GPC5: variants seen among roughly 807,000 people sequenced by gnomAD.
GPC5 encodes the protein glypican 5, also known as glypican-5.
GPC5 carries 47 observed loss-of-function variants against 53.9 expected under a neutral mutation model. The observed-to-expected ratio is 0.87, with a 90% confidence interval of 0.69 to 1.11. The LOEUF is 1.11. Ranked by LOEUF, GPC5 falls within the 50% of genes most tolerant of loss-of-function variation. GPC5 has a pLI of 0.00. For synonymous variants in GPC5, 286 were observed against 263.3 expected (o/e 1.09, Z -0.84); for missense variants, 748 against 713.1 (o/e 1.05, Z -0.56).
intron 2 of GPC5, among the ~76,000 whole-genome samples, chr13:91,581,065 AGAGAACAGTAT>A (rs1329158298): frequency 6.6e-6 from 1 of 152,188 alleles, no homozygotes; most frequent in Non-Finnish European, 1.5e-5. Context: ...CTTACCATCA[AGAGAACAGTAT>A]GGGGGAAACT....
rs558197414 is a variant in GPC5 at position 92,720,518 on chromosome 13, ATAAAT to A, written c.1562-145759_1562-145755del. Among the ~76,000 whole-genome samples, 304 of 152,248 alleles carry A rather than the reference ATAAAT, an allele frequency of 2.0e-3. 1 individual carries two copies. The highest frequency in any genetic ancestry group is 3.5e-3 in the Non-Finnish European group (236 of 68,012). On this transcript the variant is annotated intron_variant, in intron 7 of 7. Coordinates refer to ENST00000377067, the MANE Select transcript of GPC5 (RefSeq NM_004466.6). ...TGGTTAGTTATACTAAAATAATTTC[ATAAAT>A]TAAAGTAATGATTTTATAATCTCGG... is the stretch of plus-strand genomic sequence containing the variant.
intron 6 of GPC5, among the ~76,000 whole-genome samples, chr13:92,011,486 G>C (rs2040661073): frequency 6.6e-6 from 1 of 152,102 alleles, no homozygotes; most frequent in Admixed American, 6.6e-5. Flanking sequence ...GCAAAATATT[G>C]AATTTTGATT....
At chr13:92,288,966 C>G (rs1038126343) in intron 7 of GPC5, among the ~76,000 whole-genome samples, 3 of 151,978 alleles carry the variant, frequency 2.0e-5, no homozygotes, top group African/African-American at 7.3e-5. Context: ...ACCAACTTTA[C>G]CATTTTTCTG....
Position 92,476,685 on chromosome 13 carries a change from G to T in GPC5, c.1561+331696G>T, listed in dbSNP as rs1404002759. Among the ~76,000 whole-genome samples, 7 of 147,234 alleles carry T rather than the reference G, an allele frequency of 4.8e-5. No individual in the cohort carries two copies. The South Asian group carries it at 8.4e-4, about 18-fold the overall frequency. On this transcript the variant is annotated intron_variant, in intron 7 of 7. Transcript: ENST00000377067. Reference sequence around the variant, plus strand: ...ATAGACTGGATTAAGAAAATGTGGCGCATATACACCATGGAATACTATGCA... The same window carrying T: ...ATAGACTGGATTAAGAAAATGTGGCTCATATACACCATGGAATACTATGCA...
At chr13:92,323,390 T>C (rs2043228812) in intron 7 of GPC5, among the ~76,000 whole-genome samples, 1 of 150,920 alleles carries the variant, frequency 6.6e-6, no homozygotes, top group Non-Finnish European at 1.5e-5. Flanking sequence ...CATATATATG[T>C]ACATGTTGTA....
chr13:92,838,408 G>C (rs1038383251), intron 7 of GPC5, among the ~76,000 whole-genome samples: 7 of 151,436 alleles, frequency 4.6e-5, no homozygotes, highest in Non-Finnish European at 1.0e-4. Flanking sequence ...GACGTGAACC[G>C]GTAGTCGGAG....
intron 2 of GPC5, among the ~76,000 whole-genome samples, chr13:91,632,715 G>C (rs1174465067): frequency 6.6e-6 from 1 of 152,060 alleles, no homozygotes; most frequent in Non-Finnish European, 1.5e-5. Flanking sequence ...CATAGTGCAG[G>C]AAAACATGTA....
At chr13:91,722,606 C>A (rs1198302239) in intron 3 of GPC5, among the ~76,000 whole-genome samples, 1 of 152,152 alleles carries the variant, frequency 6.6e-6, no homozygotes, top group East Asian at 1.9e-4. Flanking sequence ...CTGTCTTTCC[C>A]TTCCTCTGCC....
chr13:91,686,484 T>C (rs2035625341), intron 2 of GPC5, among the ~76,000 whole-genome samples: 1 of 151,976 alleles, frequency 6.6e-6, no homozygotes, highest in Non-Finnish European at 1.5e-5. Flanking sequence ...ACTTTGCACA[T>C]TTTACTTTTT....
chr13:91,788,165 A>T (rs1456772544), intron 5 of GPC5, among the ~76,000 whole-genome samples: 1 of 152,378 alleles, frequency 6.6e-6, no homozygotes, highest in South Asian at 2.1e-4. Context: ...GGGCAGTCCA[A>T]GAACAAGGTG....
intron 7 of GPC5, among the ~76,000 whole-genome samples, chr13:92,574,017 G>A (rs541629552): frequency 2.0e-5 from 3 of 152,232 alleles, no homozygotes; most frequent in South Asian, 2.1e-4. Context: ...TGAGCCCTGG[G>A]GAGGTATTCT....
chr13:92,001,765 A>ACAAT (rs1250002665), intron 6 of GPC5, among the ~76,000 whole-genome samples: 1 of 152,208 alleles, frequency 6.6e-6, no homozygotes, highest in Non-Finnish European at 1.5e-5. Flanking sequence ...TTTTTAAAAA[A>ACAAT]CAATCACTTT....
chr13:91,788,496 G>T (rs1159178729), intron 5 of GPC5, among the ~76,000 whole-genome samples: 1 of 152,176 alleles, frequency 6.6e-6, no homozygotes, highest in African/African-American at 2.4e-5. Context: ...TTTTTTCAAT[G>T]TAGCTAATTT....
At chr13:92,244,875 T>C (rs2042638966) in intron 7 of GPC5, among the ~76,000 whole-genome samples, 1 of 151,792 alleles carries the variant, frequency 6.6e-6, no homozygotes, top group Admixed American at 6.6e-5. Context: ...CCATCTCTAT[T>C]AAAAATACAA....
At chr13:91,765,142 C>A (rs1301064254) in intron 5 of GPC5, among the ~76,000 whole-genome samples, 1 of 152,240 alleles carries the variant, frequency 6.6e-6, no homozygotes, top group Non-Finnish European at 1.5e-5. Context: ...CCAACTTCTG[C>A]TACAAGAATG....
intron 5 of GPC5, among the ~76,000 whole-genome samples, chr13:91,892,582 A>C (rs2039398599): frequency 6.6e-6 from 1 of 151,738 alleles, no homozygotes; most frequent in African/African-American, 2.4e-5. Flanking sequence ...CTACTAAGCA[A>C]GCAATCTTTA....
At chr13:92,194,842 G>C (rs1304432272) in intron 7 of GPC5, among the ~76,000 whole-genome samples, 7 of 152,150 alleles carry the variant, frequency 4.6e-5, no homozygotes, top group Non-Finnish European at 1.0e-4. Context: ...TGTAATCTAA[G>C]GTAGAGTGAG....
At chr13:92,817,059 G>C (rs1194878595) in intron 7 of GPC5, among the ~76,000 whole-genome samples, 2 of 151,836 alleles carry the variant, frequency 1.3e-5, no homozygotes, top group African/African-American at 2.4e-5. Flanking sequence ...TAATACTAAG[G>C]TTAGAAGCTT....
At chr13:92,407,684 T>C (rs1875853656) in intron 7 of GPC5, among the ~76,000 whole-genome samples, 1 of 152,166 alleles carries the variant, frequency 6.6e-6, no homozygotes, top group Non-Finnish European at 1.5e-5. Context: ...AGCATTGCTC[T>C]GCATTTGGAA....
Sources: allele counts gnomAD v4.1 joint callset (sites outside exome capture counted in the v4.1 genomes callset), GRCh38; gene constraint gnomAD v4.1.1; transcripts MANE v1.5; gene names NCBI Gene and HGNC (gene_info 2026-07-23, HGNC 2026-07-21).